Variants in MLXIP observed in about 807,000 individuals in gnomAD.
The protein encoded by MLXIP is MLX interacting protein, also known as MLX-interacting protein.
Under a neutral mutation model 87.2 loss-of-function variants are expected in MLXIP, and 30 were observed. That is an observed-to-expected ratio of 0.34 (90% confidence interval 0.26 to 0.47). The LOEUF is 0.47. Among genes scored for constraint, MLXIP ranks in the 20% least tolerant of loss-of-function variants. The pLI is 1.00. For synonymous variants in MLXIP, 530 were observed against 514.0 expected (o/e 1.03, Z -0.42); for missense variants, 1,002 against 1,240.1 (o/e 0.81, Z 2.88).
chr12:122,080,206 G>A (rs937222036), intron 1 of MLXIP, among the ~76,000 whole-genome samples: 2 of 152,152 alleles, frequency 1.3e-5, no homozygotes, highest in Non-Finnish European at 2.9e-5. Flanking sequence ...CTTTGGACTG[G>A]CAGCAGCGGC....
In MLXIP at chr12:122,133,311, C is replaced by G; in HGVS notation, c.1093-37C>G. On this transcript the variant is annotated intron_variant, in intron 8 of 16. Coordinates refer to ENST00000319080, the MANE Select transcript of MLXIP (RefSeq NM_014938.6). This position sits in a 1 kb window ranked among gnomAD's most constrained non-coding sequence, Gnocchi z 4.9. ...AGCGCTAGAAAGGAATTGTCTGACC[C>G]CAGCATTGCTTCCTGGCTCCTTTCT... is the stretch of plus-strand genomic sequence containing the variant. The G allele has an allele frequency of 6.5e-7, 1 of 1,527,306 alleles. No individual in the cohort carries two copies. Among genetic ancestry groups the G allele is most frequent in the Non-Finnish European group, 8.8e-7 (1 of 1,138,016 alleles). 94.6% of individuals were successfully genotyped at this position (1,527,306 alleles called of 1,614,324 possible).
chr12:122,081,541 C>T (rs999535365), intron 1 of MLXIP, among the ~76,000 whole-genome samples: 13 of 151,998 alleles, frequency 8.6e-5, no homozygotes, highest in African/African-American at 1.2e-4. Context: ...TCGGAGGCAA[C>T]GCGGGGCGTG....
At chr12:122,092,437 C>T (rs1720479445) in intron 1 of MLXIP, among the ~76,000 whole-genome samples, 2 of 152,076 alleles carry the variant, frequency 1.3e-5, no homozygotes, top group South Asian at 4.1e-4. Flanking sequence ...CTACGTCTAC[C>T]TTCTTGGCCC....
intron 15 of MLXIP, 81 bp downstream of exon 15, chr12:122,139,019 T>C: frequency 6.4e-7 from 1 of 1,569,602 alleles, no homozygotes; most frequent in Non-Finnish European, 8.6e-7. Flanking sequence ...GTAGTTACTT[T>C]AGAAAGACTC....
At chr12:122,124,609 A>G (rs1952849584) in intron 1 of MLXIP, among the ~76,000 whole-genome samples, 2 of 151,116 alleles carry the variant, frequency 1.3e-5, no homozygotes, top group South Asian at 4.2e-4. Context: ...CTGTGGAGAA[A>G]GAGGAACCAC....
At position 122,141,034 on chromosome 12, in the gene MLXIP, G is replaced by C; in HGVS notation, c.2589G>C (p.Thr863=). The C allele has an allele frequency of 2.5e-6, 4 of 1,613,710 alleles. No homozygotes were observed. The highest frequency in any genetic ancestry group is 3.4e-6 in the Non-Finnish European group (4 of 1,179,900). Residue 863 remains threonine, a synonymous_variant, in exon 16 of 17, where the codon ACG becomes ACC. Transcript: ENST00000319080. The part of the protein sequence containing the change: ...STSSLEELHR[T]ALSWLDQHCS... ...GCAGCCTGGAGGAGCTGCACCGGAC[G>C]GCGCTCTCCTGGCTGGACCAGCACT...
intron 1 of MLXIP, among the ~76,000 whole-genome samples, chr12:122,124,798 AG>A (rs1346542215): frequency 6.6e-6 from 1 of 152,060 alleles, no homozygotes; most frequent in African/African-American, 2.4e-5. Context: ...TTGGAGGCCG[AG>A]GTGGGAGGAT....
intron 15 of MLXIP, among the ~76,000 whole-genome samples, chr12:122,139,616 T>G (rs2135993906): frequency 6.6e-6 from 1 of 152,282 alleles, no homozygotes; most frequent in African/African-American, 2.4e-5. Context: ...GCTGCAGCTA[T>G]CGGGCAGGGC....
intron 3 of MLXIP, 137 bp downstream of exon 3, chr12:122,128,105 G>T (rs1650274571): frequency 1.3e-6 from 1 of 750,472 alleles, no homozygotes; most frequent in East Asian, 2.7e-5. Flanking sequence ...CCATGCCCTG[G>T]GGGCCAGGCC....
Position 122,129,647 on chromosome 12 carries a change from C to T in MLXIP, c.738+18C>T. The T allele has an allele frequency of 6.4e-7, 1 of 1,573,820 alleles. No homozygotes were observed. Among genetic ancestry groups the T allele is most frequent in the Non-Finnish European group, 8.6e-7 (1 of 1,165,768 alleles). The stretch of plus-strand genomic sequence containing the variant: ...TGGTCCAGGTGGGTGAGCCTGGGAG[C>T]TCTGAGGACCCCCACTTTGACATGA... On this transcript the variant is annotated intron_variant, in intron 5 of 16. Coordinates refer to ENST00000319080, the MANE Select transcript of MLXIP (RefSeq NM_014938.6).
intron 1 of MLXIP, among the ~76,000 whole-genome samples, chr12:122,108,237 G>A (rs1029349219): frequency 2.6e-5 from 4 of 151,800 alleles, no homozygotes; most frequent in Non-Finnish European, 2.9e-5. Context: ...GTATGGTGGC[G>A]GGCATCTACA....
At chr12:122,140,739 G>T (rs1205419352) in intron 15 of MLXIP, 11 of 706,632 alleles carry the variant, frequency 1.6e-5, no homozygotes, top group Non-Finnish European at 2.5e-5. Flanking sequence ...TGCTTGAGCG[G>T]CCCTGTTGTC....
At chr12:122,092,075 TTTTTC>T (rs1168978615) in intron 1 of MLXIP, among the ~76,000 whole-genome samples, 43 of 151,872 alleles carry the variant, frequency 2.8e-4, no homozygotes, top group South Asian at 4.2e-4. Flanking sequence ...TTTTTCTTTC[TTTTTC>T]TTTTCTTTTC....
intron 1 of MLXIP, among the ~76,000 whole-genome samples, chr12:122,124,549 A>T (rs536199249): frequency 5.1e-4 from 76 of 149,220 alleles, no homozygotes; most frequent in Non-Finnish European, 9.0e-4. Flanking sequence ...ACCTCTGCCC[A>T]GGTCTCTGTT....
At position 122,129,944 on chromosome 12, in the gene MLXIP, G is replaced by A. The variant is rs550481974; in HGVS notation, c.742G>A (p.Asp248Asn). The A allele has an allele frequency of 1.2e-5, 19 of 1,611,926 alleles. No homozygotes were observed. The highest frequency in any genetic ancestry group is 6.7e-5 in the Admixed American group (4 of 59,854). Residue 248 changes from aspartate (D) to asparagine (N), a missense_variant, in exon 6 of 17, where the codon GAT becomes AAT. By Grantham distance (23) the Asp-to-Asn change is conservative. This residue lies in a region of MLXIP where 127 missense variants were observed against 239.0 expected (regional missense o/e 0.53). Transcript: ENST00000319080. ...DEDLSSLVQD[D>N]DMLYWHKHGD... ...CCCTGTGTTGGTGTTGTGTTAGGAC[G>A]ATGACATGCTGTATTGGCACAAGCA...
At position 122,144,315 on chromosome 12, in the gene MLXIP, C is replaced by G. The variant is rs547664812; in HGVS notation, c.*2503C>G. The G allele has an allele frequency of 2.0e-5, 3 of 151,786 alleles. No homozygotes were observed. The South Asian group carries it at 6.3e-4, about 32-fold the overall frequency. 9.4% of individuals were successfully genotyped at this position (151,786 alleles called of 1,614,324 possible). On this transcript the variant is annotated 3_prime_UTR_variant, in exon 17 of 17. Transcript: ENST00000319080. Reference sequence around the variant, plus strand: ...AATCAATCTTGGCTGGGCACGGTGGCTCCTGCCTGTGATCCTAGCACTTTG... The same window carrying G: ...AATCAATCTTGGCTGGGCACGGTGGGTCCTGCCTGTGATCCTAGCACTTTG...
At chr12:122,085,842 G>A (rs1565955569) in intron 1 of MLXIP, among the ~76,000 whole-genome samples, 1 of 152,116 alleles carries the variant, frequency 6.6e-6, no homozygotes, top group African/African-American at 2.4e-5. Flanking sequence ...CCCCGAAGAT[G>A]TGCACATCCT....
Position 122,135,743 on chromosome 12 carries a change from T to G in MLXIP, c.2032+77T>G. The G allele has an allele frequency of 7.0e-7, 1 of 1,420,130 alleles. No homozygotes were observed. The highest frequency in any genetic ancestry group is 2.6e-5 in the East Asian group (1 of 39,154). 88.0% of individuals were successfully genotyped at this position (1,420,130 alleles called of 1,614,324 possible). Reference sequence around the variant, plus strand: ...GCCTGCCGTAGACCATGGGGGGTGCTTGCTGGGTCCCCAGGACGGAGCCTG... The same window carrying G: ...GCCTGCCGTAGACCATGGGGGGTGCGTGCTGGGTCCCCAGGACGGAGCCTG... On this transcript the variant is annotated intron_variant, in intron 11 of 16. Coordinates refer to ENST00000319080, the MANE Select transcript of MLXIP (RefSeq NM_014938.6). This position sits in a 1 kb window ranked among gnomAD's most constrained non-coding sequence, Gnocchi z 5.3.
At chr12:122,090,850 A>G (rs1476666300) in intron 1 of MLXIP, among the ~76,000 whole-genome samples, 1 of 152,238 alleles carries the variant, frequency 6.6e-6, no homozygotes, top group East Asian at 1.9e-4. Context: ...GCACTAGGTG[A>G]AAGAAGCCAG....
Sources: gnomAD v4.1 joint callset for allele counts (sites outside exome capture counted in the v4.1 genomes callset) on GRCh38, gnomAD v4.1.1 for gene constraint, gnomAD v4.1.1 regional missense constraint, Gnocchi (gnomAD v3.1) non-coding constraint, MANE v1.5 for transcripts, NCBI Gene and HGNC (gene_info 2026-07-23, HGNC 2026-07-21) for gene names.